Variants in CDYL observed in about 807,000 individuals in gnomAD.
CDYL encodes chromodomain Y like, also known as chromodomain Y-like protein.
Under a neutral mutation model 47.3 loss-of-function variants are expected in CDYL, and 8 were observed. The ratio of observed to expected loss-of-function variants is 0.17; its 90% confidence interval spans 0.10 to 0.31. The LOEUF is 0.31. Among genes scored for constraint, CDYL ranks in the 10% least tolerant of loss-of-function variants. The pLI is 1.00. For missense variants in CDYL, 471 were observed against 701.4 expected, an observed-to-expected ratio of 0.67 and a Z score of 3.71; for synonymous variants, 266 against 265.0, an observed-to-expected ratio of 1.00 and a Z score of -0.04.
At chr6:4,826,324 AT>A (rs1488317715) in intron 1 of CDYL, among the ~76,000 whole-genome samples, 5 of 151,238 alleles carry the variant, frequency 3.3e-5, no homozygotes, top group Non-Finnish European at 7.4e-5. Flanking sequence ...AATTTCATTG[AT>A]TTTTCTTTTC....
intron 5 of CDYL, among the ~76,000 whole-genome samples, chr6:4,949,617 C>CA (rs1232254336): frequency 6.6e-6 from 1 of 152,250 alleles, no homozygotes; most frequent in Non-Finnish European, 1.5e-5. Flanking sequence ...CCTGTGCACT[C>CA]AGCCATCTCA....
At chr6:4,936,063 A>G (rs1251099697) in intron 3 of CDYL, among the ~76,000 whole-genome samples, 1 of 152,156 alleles carries the variant, frequency 6.6e-6, no homozygotes, top group Admixed American at 6.5e-5. Flanking sequence ...CCTGCCTGGA[A>G]GCTCTTCATC....
intron 1 of CDYL, among the ~76,000 whole-genome samples, chr6:4,842,456 G>C (rs1343500717): frequency 6.6e-6 from 1 of 151,698 alleles, no homozygotes; most frequent in Non-Finnish European, 1.5e-5. Flanking sequence ...TGTGGTGTTA[G>C]GTGCGTATAT....
chr6:4,779,100 C>G (rs1758544341), intron 1 of CDYL, among the ~76,000 whole-genome samples: 1 of 152,114 alleles, frequency 6.6e-6, no homozygotes, highest in African/African-American at 2.4e-5. Flanking sequence ...GGTTTTGTTT[C>G]TAAAGGTATA....
chr6:4,833,269 T>G (rs1448166589), intron 1 of CDYL, among the ~76,000 whole-genome samples: 2 of 148,462 alleles, frequency 1.3e-5, no homozygotes, highest in African/African-American at 5.1e-5. Context: ...TCTGGTATGT[T>G]GTGTCTTTGT....
intron 3 of CDYL, among the ~76,000 whole-genome samples, chr6:4,748,475 CAG>C (rs1014811754): frequency 6.6e-5 from 10 of 151,892 alleles, no homozygotes; most frequent in African/African-American, 2.2e-4. Context: ...GGAAGAAAAA[CAG>C]AAACTGATAG....
In CDYL at chr6:4,784,970, G is replaced by GAT. The variant is rs1412976271; in HGVS notation, c.24+8164_24+8165dup. Among the ~76,000 whole-genome samples the GAT allele has an allele frequency of 2.0e-5, 3 of 152,254 alleles. No individual in the cohort carries two copies. In the East Asian group the frequency reaches 5.8e-4, roughly 29 times the overall value. ...TTGCTCCTCATTCACCTTCCTCCAT[G>GAT]ATTGTGAGGCCCCCCCAGCCATGTG... On this transcript the variant is annotated intron_variant, in intron 1 of 6. Transcript: ENST00000397588.
chr6:4,809,035 C>A (rs189549831), intron 1 of CDYL, among the ~76,000 whole-genome samples: 12 of 152,294 alleles, frequency 7.9e-5, no homozygotes, highest in African/African-American at 2.4e-4. Flanking sequence ...TTTCCCATTC[C>A]CATTCTGTAC....
intron 1 of CDYL, among the ~76,000 whole-genome samples, chr6:4,865,037 TC>T (rs1018260439): frequency 2.6e-5 from 4 of 152,206 alleles, no homozygotes; most frequent in African/African-American, 9.7e-5. Flanking sequence ...AAGTTTAACT[TC>T]CTGGTTCTCT....
In CDYL at chr6:4,786,518, A is replaced by T. The variant is rs111714449; in HGVS notation, c.24+9711A>T. On this transcript the variant is annotated intron_variant, in intron 1 of 6. Coordinates refer to ENST00000397588, the MANE Select transcript of CDYL (RefSeq NM_004824.4). ...ATTTGAATTAAGTAGTTCAAAAAAA[A>T]TTTAAAAAGTTTGTTTTAGTAATTG... Among the ~76,000 whole-genome samples, 1,288 of 151,588 alleles carry T rather than the reference A, an allele frequency of 8.5e-3. 17 individuals are homozygous for T. The highest frequency in any genetic ancestry group is 0.029 in the African/African-American group (1,214 of 41,290).
chr6:4,796,329 C>T (rs1373225188), intron 1 of CDYL, among the ~76,000 whole-genome samples: 1 of 152,108 alleles, frequency 6.6e-6, no homozygotes, highest in African/African-American at 2.4e-5. Context: ...GATGTGAGAA[C>T]ATTTACATTT....
At chr6:4,831,803 G>A (rs1399455677) in intron 1 of CDYL, among the ~76,000 whole-genome samples, 1 of 152,152 alleles carries the variant, frequency 6.6e-6, no homozygotes, top group Non-Finnish European at 1.5e-5. Flanking sequence ...CCGTTGTAAG[G>A]TGGATTCCTA....
intron 1 of CDYL, among the ~76,000 whole-genome samples, chr6:4,810,840 A>G (rs558823171): frequency 2.3e-4 from 35 of 152,316 alleles, no homozygotes; most frequent in Non-Finnish European, 4.1e-4. Context: ...CCACTCTCCT[A>G]TGTATGAGAC....
At chr6:4,809,514 G>A (rs889739894) in intron 1 of CDYL, among the ~76,000 whole-genome samples, 5 of 151,990 alleles carry the variant, frequency 3.3e-5, no homozygotes, top group Admixed American at 1.3e-4. Flanking sequence ...ATTAGTCCTT[G>A]GTGATCCTTT....
intron 1 of CDYL, chr6:4,714,189 A>C (rs531824361): frequency 6.6e-6 from 1 of 150,862 alleles, no homozygotes; most frequent in Admixed American, 6.7e-5. Flanking sequence ...TCCACAGTCC[A>C]TGTCCCCGAT....
chr6:4,736,879 C>T (rs1356171468), intron 3 of CDYL, among the ~76,000 whole-genome samples: 1 of 152,112 alleles, frequency 6.6e-6, no homozygotes, highest in Admixed American at 6.5e-5. Context: ...GTTTCAAGTG[C>T]TTTGTTTATC....
intron 1 of CDYL, among the ~76,000 whole-genome samples, chr6:4,825,235 A>G (rs572113069): frequency 1.5e-4 from 23 of 152,298 alleles, no homozygotes; most frequent in African/African-American, 4.1e-4. Context: ...CATTGCTAGT[A>G]TATAGAAACA....
At chr6:4,715,807 C>T in exon 2 of CDYL, 2 of 1,614,064 alleles carry the variant, frequency 1.2e-6, no homozygotes, top group Non-Finnish European at 1.7e-6. Context: ...CACAGGTCAG[C>T]CTGGGGAAAA....
chr6:4,854,613 T>A (rs201872802), intron 1 of CDYL, among the ~76,000 whole-genome samples: 1 of 152,144 alleles, frequency 6.6e-6, no homozygotes, highest in African/African-American at 2.4e-5. Context: ...TGGAATAAAA[T>A]AACCTCATGA....
Sources: allele counts gnomAD v4.1 joint callset (sites outside exome capture counted in the v4.1 genomes callset), GRCh38; gene constraint gnomAD v4.1.1; transcripts MANE v1.5; gene names NCBI Gene and HGNC (gene_info 2026-07-23, HGNC 2026-07-21).